The following NRIP1 variants were observed in gnomAD, a reference collection of about 807,000 sequenced individuals.
The protein encoded by NRIP1 is nuclear receptor-interacting protein 1.
A neutral mutation model predicts 75.0 loss-of-function variants in NRIP1; 28 were observed. That is an observed-to-expected ratio of 0.37 (90% CI 0.28 to 0.51). NRIP1 has a LOEUF of 0.51. NRIP1 is among the 20% of genes least tolerant of loss of function. The probability of loss-of-function intolerance (pLI) is 0.92; values close to 1 mark genes in which losing one functional copy is unlikely to be tolerated. For synonymous variants in NRIP1, 526 were observed against 487.6 expected, an observed-to-expected ratio of 1.08 and a Z score of -1.04; for missense variants, 1,435 against 1,343.7, an observed-to-expected ratio of 1.07 and a Z score of -1.06.
In NRIP1 at chr21:14,962,489, A is replaced by T. The variant is rs2086618360; in HGVS notation, c.*2227T>A. 2 of 152,200 alleles carry T rather than the reference A, an allele frequency of 1.3e-5. No homozygotes were observed. The highest frequency in any genetic ancestry group is 6.6e-5 in the Admixed American group (1 of 15,212). The allele number at this position is 152,200 out of a possible 1,614,324, so 9.4% of individuals were successfully genotyped here. ...TGGTCTTTTCCCTGACCTAAATTTC[A>T]CTCTCTTGTAAAAAGGTCATTTCCC... On this transcript the variant is annotated 3_prime_UTR_variant, in exon 4 of 4. Coordinates refer to ENST00000318948, the MANE Select transcript of NRIP1 (RefSeq NM_003489.4).
At position 14,966,127 on chromosome 21, in the gene NRIP1, C is replaced by T; in HGVS notation, c.2066G>A (p.Ser689Asn). The change falls in exon 4 of 4, where the codon AGT becomes AAT. Residue 689 changes from serine (S) to asparagine (N), a missense_variant. Physicochemically the swap from Ser to Asn is conservative, Grantham distance 46. Coordinates refer to ENST00000318948, the MANE Select transcript of NRIP1 (RefSeq NM_003489.4). ...NAVEENKAFS[S>N]QPTGPEPGLS... Reference sequence around the variant, plus strand: ...CCCTGGTTCAGGACCTGTTGGTTGACTACTAAATGCTTTATTTTCTTCAAC... The same window carrying T: ...CCCTGGTTCAGGACCTGTTGGTTGATTACTAAATGCTTTATTTTCTTCAAC... 1.2e-6 allele frequency: 2 copies of T among 1,612,620 alleles called. No individual in the cohort carries two copies. Among genetic ancestry groups the T allele is most frequent in the South Asian group, 2.2e-5 (2 of 91,048 alleles).
chr21:15,044,858 G>A (rs1341649198), intron 1 of NRIP1, among the ~76,000 whole-genome samples: 8 of 152,124 alleles, frequency 5.3e-5, no homozygotes, highest in Non-Finnish European at 8.8e-5. Context: ...CCCTGTGTCT[G>A]TGAGCCTTCA....
intron 3 of NRIP1, among the ~76,000 whole-genome samples, chr21:14,985,761 T>C (rs2087382378): frequency 6.6e-6 from 1 of 152,158 alleles, no homozygotes; most frequent in African/African-American, 2.4e-5. Context: ...AATGAGTATA[T>C]GCTTCAAAAT....
intron 3 of NRIP1, among the ~76,000 whole-genome samples, chr21:14,972,159 G>C (rs775975544): frequency 5.3e-5 from 8 of 150,892 alleles, no homozygotes; most frequent in Non-Finnish European, 1.2e-4. Flanking sequence ...CTTAAGGCCT[G>C]AACGCACTTA....
chr21:14,984,672 C>T (rs577923234), intron 3 of NRIP1, among the ~76,000 whole-genome samples: 1 of 152,300 alleles, frequency 6.6e-6, no homozygotes, highest in Admixed American at 6.5e-5. Flanking sequence ...TATCATCAAA[C>T]AGCAACACAT....
chr21:15,033,984 C>A (rs1342639393), intron 2 of NRIP1, among the ~76,000 whole-genome samples: 1 of 152,194 alleles, frequency 6.6e-6, no homozygotes, highest in Non-Finnish European at 1.5e-5. Context: ...AATATAATTA[C>A]AAGTCCTTGC....
Position 14,975,682 on chromosome 21 carries a change from AG to A in NRIP1, c.-334-7157del, listed in dbSNP as rs1408541258. The stretch of plus-strand genomic sequence containing the variant: ...GGGAGAGAGAGAGAGAAAGAAAGAA[AG>A]GGAGGGGAGGGGAGGAATAGAATGA... On this transcript the variant is annotated intron_variant, in intron 3 of 3. Coordinates refer to ENST00000318948, the MANE Select transcript of NRIP1 (RefSeq NM_003489.4). Among the ~76,000 whole-genome samples, 10 of 149,294 alleles carry A rather than the reference AG, an allele frequency of 6.7e-5. No homozygotes were observed. The East Asian group carries it at 7.9e-4, about 12-fold the overall frequency.
chr21:15,033,133 G>A (rs2088748565), intron 2 of NRIP1, among the ~76,000 whole-genome samples: 2 of 151,228 alleles, frequency 1.3e-5, no homozygotes, highest in Non-Finnish European at 2.9e-5. Context: ...GCTGAGGCAG[G>A]AGAATGGCGT....
chr21:15,031,082 G>C (rs1193482677), intron 2 of NRIP1, among the ~76,000 whole-genome samples: 1 of 47,418 alleles, frequency 2.1e-5, no homozygotes, highest in African/African-American at 8.2e-5. Context: ...TGTACACTCT[G>C]GAAGGCGCTC....
At chr21:15,019,431 C>CAGAA (rs1355511815) in intron 2 of NRIP1, among the ~76,000 whole-genome samples, 6 of 127,186 alleles carry the variant, frequency 4.7e-5, no homozygotes, top group Admixed American at 2.4e-4. Flanking sequence ...AAAAAAAGTT[C>CAGAA]AGAAAGGTTT....
chr21:14,967,935 C>T lies in NRIP1; in HGVS notation c.258G>A (p.Leu86=), dbSNP rs199891389. The T allele has an allele frequency of 5.0e-6, 8 of 1,614,108 alleles. No individual in the cohort carries two copies. The highest frequency in any genetic ancestry group is 6.8e-6 in the Non-Finnish European group (8 of 1,180,018). The change falls in exon 4 of 4, where the codon CTG becomes CTA. Residue 86 remains leucine, a synonymous_variant. Coordinates refer to ENST00000318948, the MANE Select transcript of NRIP1 (RefSeq NM_003489.4). ...SGMLHLKKAR[L]LQSSEDWNAA... is the part of the protein sequence containing the mutation. ...CATTCCAGTCCTCAGAAGACTGCAA[C>T]AGTCTGGCTTTTTTGAGGTGCAGCA...
chr21:15,051,458 G>GA (rs2089201175), intron 1 of NRIP1: 1 of 153,120 alleles, frequency 6.5e-6, no homozygotes, highest in African/African-American at 2.4e-5. Flanking sequence ...CAATGTGACT[G>GA]AAACTGTAAG....
intron 3 of NRIP1, among the ~76,000 whole-genome samples, chr21:15,012,447 C>CTTTTTTTTTTTTT (rs869160226): frequency 6.3e-5 from 5 of 79,366 alleles, no homozygotes; most frequent in African/African-American, 1.5e-4. Context: ...ATTATAATGT[C>CTTTTTTTTTTTTT]TTTTTTTTTT....
At chr21:15,029,752 G>A (rs1350005826) in intron 2 of NRIP1, among the ~76,000 whole-genome samples, 1 of 152,032 alleles carries the variant, frequency 6.6e-6, no homozygotes, top group South Asian at 2.1e-4. Context: ...GGAGTTTGAG[G>A]CTGTGGTGAG....
At chr21:15,031,489 G>A (rs1227469549) in intron 2 of NRIP1, among the ~76,000 whole-genome samples, 4 of 140,128 alleles carry the variant, frequency 2.9e-5, no homozygotes, top group East Asian at 2.1e-4. Flanking sequence ...TCTGGAAGGC[G>A]TTCAGAGGTT....
At chr21:15,029,666 GA>G (rs1204522863) in intron 2 of NRIP1, among the ~76,000 whole-genome samples, 1 of 151,976 alleles carries the variant, frequency 6.6e-6, no homozygotes, top group Non-Finnish European at 1.5e-5. Context: ...CAATAAATAT[GA>G]CTGGGTAGGG....
rs536400546 is a variant in NRIP1, at chr21:15,001,755, A to G, written c.-335+12589T>C. ...AAATCTCTTTCCTTTGCACCATGTT[A>G]TATAGGATCTTTAAGAATATAATGT... On this transcript the variant is annotated intron_variant, in intron 3 of 3. Coordinates refer to ENST00000318948, the MANE Select transcript of NRIP1 (RefSeq NM_003489.4). 4.3e-4 allele frequency among the ~76,000 whole-genome samples: 65 copies of G among 152,042 alleles called. 1 individual carries two copies. The highest frequency in any genetic ancestry group is 7.9e-4 in the Non-Finnish European group (54 of 67,990).
At chr21:15,001,381 C>G (rs989092039) in intron 3 of NRIP1, among the ~76,000 whole-genome samples, 1 of 151,984 alleles carries the variant, frequency 6.6e-6, no homozygotes, top group Non-Finnish European at 1.5e-5. Flanking sequence ...TATACACAAC[C>G]GAAAAAGTGC....
rs759482196 is a variant in NRIP1, at chr21:14,966,605, T to C, written c.1588A>G (p.Asn530Asp). The change falls in exon 4 of 4, where the codon AAT becomes GAT. Residue 530 changes from asparagine to aspartate, a missense_variant. Coordinates refer to ENST00000318948, the MANE Select transcript of NRIP1 (RefSeq NM_003489.4). ...GAAGTCCTTGCATAATTTTGTGTAT[T>C]GAACTTGCTCACATCATTGTGTACT... ...QGVHNDVSKF[N>D]TQNYARTSVI... 1 of 1,614,134 alleles carries C rather than the reference T, an allele frequency of 6.2e-7. No individual in the cohort carries two copies. The highest frequency in any genetic ancestry group is 1.6e-4 in the Middle Eastern group (1 of 6,062).
Sources: gnomAD v4.1 joint callset for allele counts (sites outside exome capture counted in the v4.1 genomes callset) on GRCh38, gnomAD v4.1.1 for gene constraint, MANE v1.5 for transcripts, NCBI Gene and HGNC (gene_info 2026-07-23, HGNC 2026-07-21) for gene names.